DSP: variants seen among roughly 807,000 people sequenced by gnomAD.
DSP encodes desmoplakin.
Under a neutral mutation model 290.6 loss-of-function variants are expected in DSP, and 114 were observed. That is an observed-to-expected ratio of 0.39 (90% confidence interval 0.34 to 0.46). The LOEUF (loss-of-function observed/expected upper bound fraction) is 0.46, where lower values mean the gene tolerates loss of function less well. DSP is among the 20% of genes least tolerant of loss of function. The probability of loss-of-function intolerance (pLI) is 0.99; values close to 1 mark genes in which losing one functional copy is unlikely to be tolerated. For synonymous variants in DSP, 1,311 were observed against 1,316.4 expected (o/e 1.00, Z 0.09); for missense variants, 3,230 against 3,495.8 (o/e 0.92, Z 1.92).
intron 4 of DSP, among the ~76,000 whole-genome samples, 183 bp downstream of exon 4, chr6:7,559,583 A>G (rs1758620058): frequency 6.6e-6 from 1 of 152,140 alleles, no homozygotes; most frequent in African/African-American, 2.4e-5. Context: ...AATGAATGAG[A>G]TTTCAGTGTG....
rs1379738237 is a variant in DSP, at chr6:7,578,486, A to C, written c.3008A>C (p.Tyr1003Ser). 6.2e-7 allele frequency: 1 copy of C among 1,613,790 alleles called. No individual in the cohort carries two copies. The highest frequency in any genetic ancestry group is 1.1e-5 in the South Asian group (1 of 91,072). Residue 1003 changes from tyrosine (Y) to serine (S), a missense_variant, in exon 22 of 24, where the codon TAC (tyrosine) becomes TCC (serine). Coordinates refer to ENST00000379802, the MANE Select transcript of DSP (RefSeq NM_004415.4). ...AAGGCTGCAGATGTTCATGCTCGGT[A>C]CATTGAACTACTTACAAGATCTGGA... ...LQEAADVHARYIELLTRSGDY... is the reference protein window; with the variant it reads ...LQEAADVHARSIELLTRSGDY...
Position 7,583,965 on chromosome 6 carries a change from G to C in DSP, c.6703G>C (p.Glu2235Gln). Residue 2235 changes from glutamate (E) to glutamine (Q), a missense_variant, in exon 24 of 24, where the codon GAA becomes CAA. By Grantham distance (29) the Glu-to-Gln change is conservative (BLOSUM62 2). Around this residue, in one of 5 missense-constraint regions of DSP, gnomAD observed 207 missense variants for 281.2 expected, o/e 0.74. Coordinates refer to ENST00000379802, the MANE Select transcript of DSP (RefSeq NM_004415.4). This position sits in a 1 kb window ranked among gnomAD's most constrained non-coding sequence, Gnocchi z 4.0. ...SGILRPSTVN[E>Q]LESGQISYDE... The stretch of plus-strand genomic sequence containing the variant: ...TATATTGAGACCGTCCACTGTCAAT[G>C]AACTGGAATCTGGTCAGATTTCTTA... The C allele has an allele frequency of 2.5e-6, 4 of 1,614,166 alleles. No homozygotes were observed. In the South Asian group the frequency reaches 4.4e-5, roughly 18 times the overall value.
chr6:7,571,828 A>T lies in DSP; in HGVS notation c.1904-14A>T. 1.9e-6 allele frequency: 3 copies of T among 1,610,500 alleles called. No individual in the cohort carries two copies. The highest frequency in any genetic ancestry group is 2.5e-6 in the Non-Finnish European group (3 of 1,179,758). On this transcript the variant is annotated splice_polypyrimidine_tract_variant and intron_variant, in intron 14 of 23. Coordinates refer to ENST00000379802, the MANE Select transcript of DSP (RefSeq NM_004415.4). Reference sequence around the variant, plus strand: ...GTATTCTCTGATTTTTGTGGCCCTAACTTCTTTTTACAGTGACCACAACTG... The same window carrying T: ...GTATTCTCTGATTTTTGTGGCCCTATCTTCTTTTTACAGTGACCACAACTG...
chr6:7,585,478 C>T lies in DSP; in HGVS notation c.8216C>T (p.Pro2739Leu), dbSNP rs761527198. The part of the protein sequence containing the change: ...FQYLTGGLVD[P>L]EVHGRISTEE... ...TACCTCACGGGAGGTCTTGTTGACC[C>T]GGAAGTGCATGGGAGGATAAGCACC... Residue 2739 changes from proline to leucine, a missense_variant, in exon 24 of 24, where the codon CCG becomes CTG. By Grantham distance (98) the Pro-to-Leu change is moderately conservative. This residue lies in a region of DSP where 582 missense variants were observed against 555.4 expected (regional missense o/e 1.05). Coordinates refer to ENST00000379802, the MANE Select transcript of DSP (RefSeq NM_004415.4). 16 of 1,613,984 alleles carry T rather than the reference C, an allele frequency of 9.9e-6. No individual in the cohort carries two copies. The highest frequency in any genetic ancestry group is 1.3e-5 in the Non-Finnish European group (15 of 1,180,024).
Position 7,580,672 on chromosome 6 carries a change from A to G in DSP, c.4482A>G (p.Thr1494=). 1 of 1,614,084 alleles carries G rather than the reference A, an allele frequency of 6.2e-7. No homozygotes were observed. The highest frequency in any genetic ancestry group is 8.5e-7 in the Non-Finnish European group (1 of 1,180,034). ...ERLKQLIDKE[T]NDRKCLEDEN... is the part of the protein sequence containing the mutation. ...TAAAACAACTGATCGACAAAGAAAC[A>G]AATGACCGGAAATGCCTGGAAGATG... The change falls in exon 23 of 24, where the codon ACA becomes ACG. Residue 1494 remains threonine, a synonymous_variant. Coordinates refer to ENST00000379802, the MANE Select transcript of DSP (RefSeq NM_004415.4). The surrounding 1 kb of genome is among the most constrained non-coding windows in gnomAD (Gnocchi z 4.2).
At chr6:7,568,397 G>C (rs1322186194) in intron 10 of DSP, 40 bp from the exon 11 acceptor site, 6 of 1,610,164 alleles carry the variant, frequency 3.7e-6, no homozygotes, top group Non-Finnish European at 5.1e-6. Flanking sequence ...AAAACTCACA[G>C]GGTATCTATG....
Position 7,583,469 on chromosome 6 carries a change from C to T in DSP, c.6207C>T (p.Val2069=), listed in dbSNP as rs147398792. The change falls in exon 24 of 24, where the codon GTC becomes GTT. Residue 2069 remains valine (V), a synonymous_variant. Coordinates refer to ENST00000379802, the MANE Select transcript of DSP (RefSeq NM_004415.4). The surrounding 1 kb of genome is among the most constrained non-coding windows in gnomAD (Gnocchi z 4.0). ...IDPHRNEKLT[V]DSAIARDLID... ...CCCATCGGAATGAGAAGCTGACTGT[C>T]GACAGTGCCATAGCTCGGGACCTCA... The T allele has an allele frequency of 3.0e-5, 49 of 1,614,156 alleles. No homozygotes were observed. In the African/African-American group the frequency reaches 5.2e-4, roughly 17 times the overall value.
At chr6:7,544,270 G>T (rs1360848281) in intron 1 of DSP, among the ~76,000 whole-genome samples, 1 of 152,146 alleles carries the variant, frequency 6.6e-6, no homozygotes, top group Non-Finnish European at 1.5e-5. Context: ...AATAGCGACC[G>T]CCTGAAGGCA....
intron 12 of DSP, 93 bp from the exon 13 acceptor site, chr6:7,570,344 T>A: frequency 6.3e-7 from 1 of 1,592,472 alleles, no homozygotes; most frequent in Non-Finnish European, 8.6e-7. Context: ...CTGTTGTAGG[T>A]TTTTGTGCAG....
chr6:7,541,729 C>G lies in DSP; in HGVS notation c.-187C>G, dbSNP rs1409737900. On this transcript the variant is annotated 5_prime_UTR_variant, in exon 1 of 24. Transcript: ENST00000379802. The stretch of plus-strand genomic sequence containing the variant: ...TTTCCTCCCGCTCCTGCCCCCGGCC[C>G]GTCGCCGTCTCCGCGCTCGCAGCGG... 1.5e-6 allele frequency: 1 copy of G among 679,988 alleles called. No homozygotes were observed. The highest frequency in any genetic ancestry group is 1.9e-5 in the African/African-American group (1 of 51,942). The allele number at this position is 679,988 out of a possible 1,614,324, so 42.1% of individuals were successfully genotyped here.
Position 7,583,035 on chromosome 6 carries a change from C to A in DSP, c.5773C>A (p.Gln1925Lys). 2 of 1,614,058 alleles carry A rather than the reference C, an allele frequency of 1.2e-6. No individual in the cohort carries two copies. Among genetic ancestry groups the A allele is most frequent in the Non-Finnish European group, 1.7e-6 (2 of 1,179,996 alleles). The change falls in exon 24 of 24, where the codon CAG becomes AAG. Residue 1925 changes from glutamine to lysine, a missense_variant. Coordinates refer to ENST00000379802, the MANE Select transcript of DSP (RefSeq NM_004415.4). The surrounding 1 kb of genome is among the most constrained non-coding windows in gnomAD (Gnocchi z 4.0). Reference sequence around the variant, plus strand: ...GCTGGAGGATTCTACCAGGGAGACACAGTCACAGTTAGAAACAGAACGCTC... The same window carrying A: ...GCTGGAGGATTCTACCAGGGAGACAAAGTCACAGTTAGAAACAGAACGCTC... ...RKLEDSTRET[Q>K]SQLETERSRY...
intron 4 of DSP, 127 bp downstream of exon 4, chr6:7,559,527 C>A: frequency 8.7e-7 from 1 of 1,143,030 alleles, no homozygotes; most frequent in Non-Finnish European, 1.3e-6. Context: ...TTGCTGTTTG[C>A]AGGATTTTCC....
At chr6:7,564,926 T>A (rs936083835) in intron 6 of DSP, among the ~76,000 whole-genome samples, 3 of 152,092 alleles carry the variant, frequency 2.0e-5, no homozygotes, top group African/African-American at 7.2e-5. Flanking sequence ...GGGCGGATCA[T>A]CTGAGGTTGG....
intron 1 of DSP, among the ~76,000 whole-genome samples, chr6:7,545,386 G>A (rs1428251642): frequency 1.3e-5 from 2 of 152,200 alleles, no homozygotes; most frequent in East Asian, 1.9e-4. Context: ...AGCTGAGGAC[G>A]TGCCGAAGAT....
At chr6:7,574,569 T>C in intron 16 of DSP, 88 bp from the exon 17 acceptor site, 1 of 1,572,078 alleles carries the variant, frequency 6.4e-7, no homozygotes, top group Non-Finnish European at 8.7e-7. Context: ...TTTGACGTTG[T>C]TCCCTTTCAT....
rs587782940 is a variant in DSP at position 7,559,252 on chromosome 6, G to A, written c.449G>A (p.Arg150Gln). ...CTTCTTCAGCTCCAAGAGCAAATGC[G>A]AGCCCTTTATAAAGCCATCAGTGTC... ...KRLLQLQEQM[R>Q]ALYKAISVPR... is the part of the protein sequence containing the mutation. The change falls in exon 4 of 24, where the codon CGA becomes CAA. Residue 150 changes from arginine to glutamine, a missense_variant. Arg to Gln is a conservative substitution (Grantham distance 43). Coordinates refer to ENST00000379802, the MANE Select transcript of DSP (RefSeq NM_004415.4). 1.1e-5 allele frequency: 18 copies of A among 1,613,870 alleles called. No individual in the cohort carries two copies. The highest frequency in any genetic ancestry group is 5.5e-5 in the South Asian group (5 of 91,080).
rs534695267 is a variant in DSP at position 7,548,272 on chromosome 6, AAAAG to A, written c.170+6199_170+6202del. Among the ~76,000 whole-genome samples, 865 of 152,206 alleles carry A rather than the reference AAAAG, an allele frequency of 5.7e-3. 9 individuals carry two copies. Among genetic ancestry groups the A allele is most frequent in the African/African-American group, 0.019 (804 of 41,528 alleles). On this transcript the variant is annotated intron_variant, in intron 1 of 23. Coordinates refer to ENST00000379802, the MANE Select transcript of DSP (RefSeq NM_004415.4). ...ACAGAGCGAGACTCCGTGAAAAAAA[AAAAG>A]AAAGAAAGAAATTTCAGAACCATAA...
At chr6:7,544,125 C>G (rs1351796181) in intron 1 of DSP, among the ~76,000 whole-genome samples, 12 of 152,164 alleles carry the variant, frequency 7.9e-5, no homozygotes, top group Admixed American at 7.9e-4. Flanking sequence ...GCGTCAAGCT[C>G]AGGGCTTGAG....
intron 4 of DSP, 89 bp downstream of exon 4, chr6:7,559,489 C>A: frequency 6.5e-7 from 1 of 1,539,610 alleles, no homozygotes; most frequent in South Asian, 1.1e-5. Flanking sequence ...GACAAAGAGT[C>A]TTCTAGACCT....
Sources: allele counts gnomAD v4.1 joint callset (sites outside exome capture counted in the v4.1 genomes callset), GRCh38; gene constraint gnomAD v4.1.1; regional missense constraint gnomAD v4.1.1; non-coding constraint Gnocchi (gnomAD v3.1); transcripts MANE v1.5; gene names NCBI Gene and HGNC (gene_info 2026-07-23, HGNC 2026-07-21).